The following RAD51B variants were observed in gnomAD, a reference collection of about 807,000 sequenced individuals.
RAD51B encodes the protein RAD51 paralog B, also known as DNA repair protein RAD51 homolog 2.
RAD51B carries 38 observed loss-of-function variants against 42.2 expected under a neutral mutation model. The observed-to-expected ratio is 0.90, with a 90% confidence interval of 0.70 to 1.18. The LOEUF (loss-of-function observed/expected upper bound fraction) is 1.18. Among genes scored for constraint, RAD51B ranks in the 50% most tolerant of loss-of-function variants. RAD51B has a pLI of 0.00. For missense variants in RAD51B, 373 were observed against 400.7 expected, an observed-to-expected ratio of 0.93 and a Z score of 0.59; for synonymous variants, 154 against 145.2, an observed-to-expected ratio of 1.06 and a Z score of -0.43.
intron 7 of RAD51B, among the ~76,000 whole-genome samples, chr14:67,999,979 A>C (rs1416008568): frequency 6.6e-6 from 1 of 152,034 alleles, no homozygotes; most frequent in African/African-American, 2.4e-5. Flanking sequence ...AACCTTAGGA[A>C]AAGCAATTTA....
chr14:67,979,247 A>G (rs191010568), intron 7 of RAD51B, among the ~76,000 whole-genome samples: 45 of 152,342 alleles, frequency 3.0e-4, no homozygotes, highest in Admixed American at 4.6e-4. Context: ...TAATGTGTAT[A>G]TAGTTTTAAA....
At chr14:68,682,762 C>T (rs527787681) in intron 11 of RAD51B, among the ~76,000 whole-genome samples, 3 of 149,598 alleles carry the variant, frequency 2.0e-5, no homozygotes, top group South Asian at 2.2e-4. Flanking sequence ...GAAGAAGATT[C>T]GCATGTCGTG....
At chr14:68,388,532 T>C (rs2083660345) in intron 8 of RAD51B, among the ~76,000 whole-genome samples, 1 of 152,162 alleles carries the variant, frequency 6.6e-6, no homozygotes, top group Admixed American at 6.5e-5. Flanking sequence ...ATCAAGTATA[T>C]ATCATTCTAT....
intron 9 of RAD51B, among the ~76,000 whole-genome samples, chr14:68,415,031 C>CAAAAAAAAA (rs71129885): frequency 3.1e-5 from 1 of 32,510 alleles, no homozygotes; most frequent in Non-Finnish European, 5.6e-5. Flanking sequence ...GACTCTGTCT[C>CAAAAAAAAA]AAAAAAAAAA....
intron 8 of RAD51B, among the ~76,000 whole-genome samples, chr14:68,321,434 G>A (rs1444477009): frequency 6.6e-6 from 1 of 152,156 alleles, no homozygotes; most frequent in Admixed American, 6.5e-5. Flanking sequence ...TGGAATGCTG[G>A]TGCCACAGGG....
intron 7 of RAD51B, among the ~76,000 whole-genome samples, chr14:68,145,474 T>A (rs1472660447): frequency 6.6e-6 from 1 of 152,330 alleles, no homozygotes; most frequent in Non-Finnish European, 1.5e-5. Context: ...GGGTATTAAA[T>A]TATATAACCT....
At chr14:68,439,515 A>G (rs894509835) in intron 9 of RAD51B, among the ~76,000 whole-genome samples, 1 of 152,066 alleles carries the variant, frequency 6.6e-6, no homozygotes. Context: ...ATACAGGTCT[A>G]CATAAGCACC....
chr14:68,641,971 A>T (rs577442792), intron 10 of RAD51B, among the ~76,000 whole-genome samples: 1 of 152,032 alleles, frequency 6.6e-6, no homozygotes, highest in African/African-American at 2.4e-5. Context: ...CATAGTGTAT[A>T]CTTCTTTTTA....
chr14:68,126,803 T>C (rs1241061148), intron 7 of RAD51B, among the ~76,000 whole-genome samples: 4 of 152,212 alleles, frequency 2.6e-5, no homozygotes, highest in African/African-American at 9.6e-5. Flanking sequence ...TTAAAAGATA[T>C]CATGTGTGAA....
intron 10 of RAD51B, chr14:68,628,581 T>TG (rs1457938370): frequency 6.6e-6 from 1 of 151,554 alleles, no homozygotes; most frequent in Non-Finnish European, 1.5e-5. Flanking sequence ...CGGCGCATTG[T>TG]GGGGCCAAGC....
chr14:68,294,467 A>G (rs995091569), intron 8 of RAD51B, among the ~76,000 whole-genome samples: 1 of 152,238 alleles, frequency 6.6e-6, no homozygotes, highest in Non-Finnish European at 1.5e-5. Context: ...ACACACACAG[A>G]CATGCACACG....
At chr14:68,125,999 A>G (rs1465615174) in intron 7 of RAD51B, among the ~76,000 whole-genome samples, 1 of 152,216 alleles carries the variant, frequency 6.6e-6, no homozygotes, top group African/African-American at 2.4e-5. Context: ...TCTGATCTTC[A>G]TGATGACTAT....
chr14:68,680,235 G>A (rs1439594418), intron 11 of RAD51B, among the ~76,000 whole-genome samples: 2 of 152,126 alleles, frequency 1.3e-5, no homozygotes, highest in African/African-American at 2.4e-5. Context: ...AGTATAGAGT[G>A]TGCCAATTTC....
chr14:68,617,749 C>G (rs1457064120), intron 10 of RAD51B, among the ~76,000 whole-genome samples: 2 of 152,188 alleles, frequency 1.3e-5, no homozygotes, highest in East Asian at 3.8e-4. Flanking sequence ...GGTCATAGTT[C>G]TGCACTGTGT....
chr14:68,468,520 G>T, intron 10 of RAD51B: 1 of 457,810 alleles, frequency 2.2e-6, no homozygotes, highest in Non-Finnish European at 4.1e-6. Context: ...AACCAAGAAA[G>T]CTCGGAATTG....
intron 9 of RAD51B, among the ~76,000 whole-genome samples, chr14:68,455,933 G>C (rs1309976204): frequency 4.6e-5 from 7 of 152,280 alleles, no homozygotes; most frequent in African/African-American, 1.4e-4. Context: ...GTACAAGGAA[G>C]GGGAAGAGAA....
intron 4 of RAD51B, among the ~76,000 whole-genome samples, chr14:67,856,810 CCTTG>C (rs2042010894): frequency 6.6e-6 from 1 of 151,358 alleles, no homozygotes; most frequent in Non-Finnish European, 1.5e-5. Flanking sequence ...ACATTTTCTT[CCTTG>C]CTGATATTTG....
At chr14:68,592,254 TGTG>T (rs1259506700) in intron 10 of RAD51B, among the ~76,000 whole-genome samples, 2 of 58,512 alleles carry the variant, frequency 3.4e-5, no homozygotes, top group East Asian at 5.5e-4. Flanking sequence ...TAGGCAATGA[TGTG>T]TGTGTGTGTG....
At chr14:68,434,887 G>A (rs187214286) in intron 9 of RAD51B, among the ~76,000 whole-genome samples, 223 of 152,202 alleles carry the variant, frequency 1.5e-3, no homozygotes, top group Middle Eastern at 0.014. Flanking sequence ...TCTTGGAACC[G>A]CCCCACCACA....
Sources: allele counts gnomAD v4.1 joint callset (sites outside exome capture counted in the v4.1 genomes callset), GRCh38; gene constraint gnomAD v4.1.1; transcripts MANE v1.5; gene names NCBI Gene and HGNC (gene_info 2026-07-23, HGNC 2026-07-21).